The following KRT8 variants were observed in gnomAD, a reference collection of about 807,000 sequenced individuals.
KRT8 encodes keratin, type II cytoskeletal 8.
KRT8 carries 24 observed loss-of-function variants against 43.0 expected under a neutral mutation model. The observed-to-expected ratio is 0.56, with a 90% CI of 0.40 to 0.78. The LOEUF (loss-of-function observed/expected upper bound fraction) is 0.78, where lower values mean the gene tolerates loss of function less well. KRT8 is among the 30% of genes least tolerant of loss of function. KRT8 has a pLI of 0.00. For synonymous variants in KRT8, 214 were observed against 261.2 expected (o/e 0.82, Z 1.74); for missense variants, 492 against 638.4 (o/e 0.77, Z 2.47).
chr12:52,931,308 C>A (rs1224041056), intron 2 of KRT8, among the ~76,000 whole-genome samples: 2 of 152,016 alleles, frequency 1.3e-5, no homozygotes, highest in African/African-American at 4.8e-5. Flanking sequence ...ACCTCGTGAT[C>A]CTCCCGCCTC....
intron 2 of KRT8, among the ~76,000 whole-genome samples, chr12:52,929,573 C>T (rs556294376): frequency 1.4e-4 from 22 of 152,238 alleles, no homozygotes; most frequent in Admixed American, 9.2e-4. Context: ...CACTCCTTTC[C>T]AGTCTTCTTC....
At chr12:52,908,817 C>T (rs1403246684), upstream of KRT8, among the ~76,000 whole-genome samples, 2 of 152,070 alleles carry the variant, frequency 1.3e-5, no homozygotes, top group Non-Finnish European at 2.9e-5. Context: ...ACCAGCTGAG[C>T]AACATAATGA....
At chr12:52,897,433 T>G in exon 8 of KRT8, 1 of 1,599,230 alleles carries the variant, frequency 6.3e-7, no homozygotes, top group East Asian at 2.2e-5. Flanking sequence ...GCTGTTCACT[T>G]GGGCAGGACG....
At chr12:52,937,015 A>G (rs1353205236) in intron 2 of KRT8, among the ~76,000 whole-genome samples, 2 of 152,190 alleles carry the variant, frequency 1.3e-5, no homozygotes, top group Non-Finnish European at 2.9e-5. Flanking sequence ...AACATTCAAT[A>G]ATAAAAAAGA....
intron 2 of KRT8, among the ~76,000 whole-genome samples, chr12:52,937,315 G>A (rs760070068): frequency 3.0e-4 from 46 of 151,866 alleles, no homozygotes; most frequent in Non-Finnish European, 2.1e-4. Context: ...AGGTTGCAGT[G>A]AGCTGAGACT....
rs767542771 is a variant in KRT8 at position 52,900,505 on chromosome 12, T to C, written c.690+83A>G. 9.9e-5 allele frequency: 86 copies of C among 864,970 alleles called. No individual in the cohort carries two copies. The Middle Eastern group carries it at 1.0e-3, about 10-fold the overall frequency. 53.6% of individuals were successfully genotyped at this position (864,970 alleles called of 1,614,324 possible). ...TTTGTCTTATTAGTGTGCTGGGGGC[T>C]GGGAGGAGCCTCTGGTTGAGTCTCA... is the stretch of plus-strand genomic sequence containing the variant. On this transcript the variant is annotated intron_variant, in intron 4 of 7. Transcript: ENST00000692008.
At chr12:52,903,576 G>A (rs1055957548) in intron 1 of KRT8, 2 of 152,166 alleles carry the variant, frequency 1.3e-5, no homozygotes, top group African/African-American at 2.4e-5. Context: ...CGGGGCCGCC[G>A]GGGGCCCGGG....
rs377191089 is a variant in KRT8 at position 52,932,550 on chromosome 12, G to A, written c.-47+16906C>T. 1.5e-4 allele frequency among the ~76,000 whole-genome samples: 23 copies of A among 152,108 alleles called. No homozygotes were observed. In the South Asian group the frequency reaches 3.1e-3, roughly 21 times the overall value. On this transcript the variant is annotated intron_variant, in intron 2 of 6. Transcript: ENST00000546826. ...ATTCAACATTGTACTGAACGTGCTA[G>A]CCAGTGCAATAAGTCAGGAAGAAGA... is the stretch of plus-strand genomic sequence containing the variant.
At chr12:52,947,217 A>G (rs1470544725) in intron 2 of KRT8, 1 of 152,340 alleles carries the variant, frequency 6.6e-6, no homozygotes, top group African/African-American at 2.4e-5. Context: ...GGGGGCAGGC[A>G]GCATGAAAGC....
At chr12:52,905,436 A>G (rs535041134), upstream of KRT8, among the ~76,000 whole-genome samples, 44 of 152,266 alleles carry the variant, frequency 2.9e-4, no homozygotes, top group African/African-American at 9.9e-4. Context: ...AGGACTGGGA[A>G]GCATGGGAAA....
At chr12:52,949,193 C>T (rs775547844) in intron 2 of KRT8, 1 of 1,611,736 alleles carries the variant, frequency 6.2e-7, no homozygotes, top group Non-Finnish European at 8.5e-7. Flanking sequence ...ACCACTCGCT[C>T]CACCTTCTCC....
At chr12:52,900,001 C>T (rs542173029) in exon 5 of KRT8, 5 of 1,612,874 alleles carry the variant, frequency 3.1e-6, no homozygotes, top group African/African-American at 1.3e-5. Context: ...GTCCAGGGAG[C>T]GGCTGTTGTC....
intron 2 of KRT8, among the ~76,000 whole-genome samples, chr12:52,938,965 G>T (rs1013852605): frequency 6.6e-6 from 1 of 152,090 alleles, no homozygotes; most frequent in Non-Finnish European, 1.5e-5. Context: ...TGGGCCTGTA[G>T]TCCTAGCTCC....
chr12:52,935,618 A>C (rs1228905820), intron 2 of KRT8, among the ~76,000 whole-genome samples: 1 of 151,738 alleles, frequency 6.6e-6, no homozygotes, highest in Non-Finnish European at 1.5e-5. Flanking sequence ...GAACACAAAA[A>C]ATACAAACCA....
upstream of KRT8, among the ~76,000 whole-genome samples, chr12:52,908,325 T>C (rs557789377): frequency 6.6e-6 from 1 of 152,320 alleles, no homozygotes; most frequent in South Asian, 2.1e-4. Context: ...TCCCGGGATC[T>C]GAACAAGTTT....
chr12:52,929,433 A>G (rs1482499041), intron 2 of KRT8, among the ~76,000 whole-genome samples: 2 of 152,098 alleles, frequency 1.3e-5, no homozygotes, highest in Non-Finnish European at 2.9e-5. Flanking sequence ...ACCTCAGGTG[A>G]TCTGCCCACC....
chr12:52,913,789 T>C (rs1363233234), intron 2 of KRT8, among the ~76,000 whole-genome samples: 3 of 152,236 alleles, frequency 2.0e-5, no homozygotes, highest in Non-Finnish European at 2.9e-5. Flanking sequence ...ACCACCTTCC[T>C]ACGAACGTCA....
At chr12:52,932,901 AT>A (rs1276006543) in intron 2 of KRT8, among the ~76,000 whole-genome samples, 1 of 152,146 alleles carries the variant, frequency 6.6e-6, no homozygotes, top group Admixed American at 6.6e-5. Flanking sequence ...AGGATAAATG[AT>A]AAGTGATCAA....
chr12:52,897,588 G>A (rs764272960), exon 8 of KRT8: 3 of 1,598,204 alleles, frequency 1.9e-6, no homozygotes, highest in Non-Finnish European at 2.5e-6. Context: ...GCCGGGGCTT[G>A]TGAGGCCCCC....
Sources: allele counts gnomAD v4.1 joint callset (sites outside exome capture counted in the v4.1 genomes callset), GRCh38; gene constraint gnomAD v4.1.1; transcripts MANE v1.5; gene names NCBI Gene and HGNC (gene_info 2026-07-23, HGNC 2026-07-21).